The following LPP variants were observed in gnomAD, a reference collection of about 807,000 sequenced individuals.
LPP encodes the protein LIM domain containing preferred translocation partner in lipoma.
Under a neutral mutation model 60.4 loss-of-function variants are expected in LPP, and 38 were observed. The ratio of observed to expected loss-of-function variants is 0.63; its 90% CI spans 0.49 to 0.83. LPP has a LOEUF of 0.83. Ranked by LOEUF, LPP falls within the 40% of genes least tolerant of loss-of-function variation. The probability of loss-of-function intolerance (pLI) is 0.00; values close to 1 mark genes in which losing one functional copy is unlikely to be tolerated. For missense variants in LPP, 902 were observed against 783.6 expected (o/e 1.15, Z -1.80); for synonymous variants, 328 against 290.8 (o/e 1.13, Z -1.30).
intron 1 of LPP, among the ~76,000 whole-genome samples, chr3:188,184,700 T>C (rs1372204926): frequency 1.3e-5 from 2 of 151,702 alleles, no homozygotes; most frequent in Non-Finnish European, 2.9e-5. Flanking sequence ...TTTTTTTTTT[T>C]TTTTTAGGAT....
At chr3:188,496,360 C>T (rs1441582277) in intron 5 of LPP, among the ~76,000 whole-genome samples, 1 of 152,198 alleles carries the variant, frequency 6.6e-6, no homozygotes, top group Non-Finnish European at 1.5e-5. Context: ...AACACCTGAC[C>T]TCGTGATCTG....
chr3:188,231,813 A>C (rs986374021), intron 2 of LPP, among the ~76,000 whole-genome samples: 2 of 152,212 alleles, frequency 1.3e-5, no homozygotes, highest in African/African-American at 2.4e-5. Flanking sequence ...AAATAGGTCA[A>C]AAATTGGAAT....
At chr3:188,192,941 A>G (rs981243618) in intron 1 of LPP, among the ~76,000 whole-genome samples, 1 of 152,184 alleles carries the variant, frequency 6.6e-6, no homozygotes, top group Non-Finnish European at 1.5e-5. Context: ...ATTCTCAGGG[A>G]GATGTTTCTC....
At chr3:188,858,662 T>G (rs62289873) in intron 9 of LPP, among the ~76,000 whole-genome samples, 33,496 of 152,128 alleles carry the variant, frequency 0.22, 5,347 homozygotes, top group East Asian at 0.8. Context: ...TTTTTCCTTA[T>G]GGTTTTAGGG....
intron 2 of LPP, among the ~76,000 whole-genome samples, chr3:188,264,333 A>T (rs1734699998): frequency 6.6e-6 from 1 of 151,686 alleles, no homozygotes; most frequent in Non-Finnish European, 1.5e-5. Flanking sequence ...GGGAATAATT[A>T]TGAGGCCACA....
chr3:188,776,002 A>G (rs1047043519), intron 9 of LPP, among the ~76,000 whole-genome samples: 2 of 152,254 alleles, frequency 1.3e-5, no homozygotes, highest in Non-Finnish European at 2.9e-5. Flanking sequence ...TGCCAGTTTT[A>G]AGAGACATTG....
intron 9 of LPP, among the ~76,000 whole-genome samples, chr3:188,854,006 A>T (rs868004103): frequency 6.6e-6 from 1 of 152,020 alleles, no homozygotes; most frequent in Non-Finnish European, 1.5e-5. Context: ...TCTGTCATCC[A>T]TCTGGTTCTC....
intron 2 of LPP, among the ~76,000 whole-genome samples, chr3:188,296,641 G>A (rs1747992516): frequency 6.6e-6 from 1 of 152,190 alleles, no homozygotes; most frequent in Non-Finnish European, 1.5e-5. Context: ...TCACACAGAG[G>A]CAGATGGCAA....
At chr3:188,256,357 C>T (rs571923516) in intron 2 of LPP, among the ~76,000 whole-genome samples, 1 of 152,074 alleles carries the variant, frequency 6.6e-6, no homozygotes, top group African/African-American at 2.4e-5. Flanking sequence ...CATCTTTTTT[C>T]AGCTAACAAG....
chr3:188,405,000 G>A lies in LPP; in HGVS notation c.-9-1112G>A, dbSNP rs1490445412. Among the ~76,000 whole-genome samples, 3 of 152,160 alleles carry A rather than the reference G, an allele frequency of 2.0e-5. No individual in the cohort carries two copies. In the East Asian group the frequency reaches 5.8e-4, roughly 29 times the overall value. ...TCTCTTCAAATATTATATGCAATCT[G>A]ATCAGAGCAGCATCTGGGCTGGGCT... On this transcript the variant is annotated intron_variant, in intron 3 of 11. Coordinates refer to ENST00000617246, the MANE Select transcript of LPP (RefSeq NM_001375462.1).
At chr3:188,279,830 CA>C (rs1211486406) in intron 2 of LPP, among the ~76,000 whole-genome samples, 1 of 152,176 alleles carries the variant, frequency 6.6e-6, no homozygotes, top group African/African-American at 2.4e-5. Context: ...TTGCTCTTGT[CA>C]GCTGAAACTG....
chr3:188,666,476 G>A (rs1576925431), intron 7 of LPP, among the ~76,000 whole-genome samples: 1 of 152,202 alleles, frequency 6.6e-6, no homozygotes, highest in African/African-American at 2.4e-5. Flanking sequence ...ATAAGAAACT[G>A]TAAGTCTGGG....
intron 8 of LPP, among the ~76,000 whole-genome samples, chr3:188,745,567 C>T (rs368986132): frequency 7.9e-5 from 12 of 152,276 alleles, no homozygotes; most frequent in East Asian, 5.8e-4. Context: ...TGAAAACAAC[C>T]TCAATGAGTC....
intron 6 of LPP, among the ~76,000 whole-genome samples, chr3:188,583,722 T>C (rs73888846): frequency 0.025 from 3,871 of 152,216 alleles, 132 homozygotes; most frequent in African/African-American, 0.079. Context: ...CAGTAAATAT[T>C]TGATGAATGT....
intron 2 of LPP, among the ~76,000 whole-genome samples, chr3:188,315,572 T>C (rs1357021190): frequency 1.3e-5 from 2 of 152,200 alleles, no homozygotes; most frequent in African/African-American, 4.8e-5. Flanking sequence ...AAATAGTGTT[T>C]TTAATCTTAT....
intron 6 of LPP, among the ~76,000 whole-genome samples, chr3:188,606,084 G>A (rs183591497): frequency 6.6e-6 from 1 of 152,274 alleles, no homozygotes; most frequent in African/African-American, 2.4e-5. Context: ...CTGGCTTGCT[G>A]ATTGTGAAGT....
intron 5 of LPP, among the ~76,000 whole-genome samples, chr3:188,501,804 C>G (rs1005274608): frequency 6.6e-6 from 1 of 151,808 alleles, no homozygotes; most frequent in Non-Finnish European, 1.5e-5. Context: ...GTAATCCCAG[C>G]TACTCGGGAG....
chr3:188,822,415 GC>G (rs892140123), intron 9 of LPP, among the ~76,000 whole-genome samples: 3 of 152,098 alleles, frequency 2.0e-5, no homozygotes, highest in African/African-American at 7.2e-5. Context: ...ATTGATGAGA[GC>G]ACTGAAATTC....
chr3:188,517,583 A>G (rs1478977430), intron 5 of LPP, among the ~76,000 whole-genome samples: 1 of 152,144 alleles, frequency 6.6e-6, no homozygotes, highest in African/African-American at 2.4e-5. Context: ...TGGGAAGAAA[A>G]AGAGGTTTAA....
Sources: gnomAD v4.1 joint callset for allele counts (sites outside exome capture counted in the v4.1 genomes callset) on GRCh38, gnomAD v4.1.1 for gene constraint, MANE v1.5 for transcripts, NCBI Gene and HGNC (gene_info 2026-07-23, HGNC 2026-07-21) for gene names.